RANBP10: variants seen among roughly 807,000 people sequenced by gnomAD.
The protein encoded by RANBP10 is ran-binding protein 10.
Under a neutral mutation model 72.8 loss-of-function variants are expected in RANBP10, and 24 were observed. That is an observed-to-expected ratio of 0.33 (90% CI 0.24 to 0.46). The LOEUF is 0.46. Among genes scored for constraint, RANBP10 ranks in the 20% least tolerant of loss-of-function variants. The pLI, the probability that RANBP10 is intolerant of heterozygous loss-of-function variation, is 1.00. For synonymous variants in RANBP10, 310 were observed against 322.3 expected, an observed-to-expected ratio of 0.96 and a Z score of 0.41; for missense variants, 679 against 817.5, an observed-to-expected ratio of 0.83 and a Z score of 2.07.
Position 67,736,394 on chromosome 16 carries a change from C to A in RANBP10, c.592-1352G>T, listed in dbSNP as rs1157364811. Among the ~76,000 whole-genome samples the A allele has an allele frequency of 2.6e-5, 4 of 152,200 alleles. No individual in the cohort carries two copies. The East Asian group carries it at 7.7e-4, about 29-fold the overall frequency. ...CAGGCTGGTCTTGAACTCCCAACCT[C>A]AGGTGATCTGCCCACCTCAGCCTCC... On this transcript the variant is annotated intron_variant, in intron 5 of 13. Coordinates refer to ENST00000317506, the MANE Select transcript of RANBP10 (RefSeq NM_020850.3).
chr16:67,778,214 T>C (rs185445477), intron 2 of RANBP10, among the ~76,000 whole-genome samples: 100 of 152,276 alleles, frequency 6.6e-4, no homozygotes, highest in Non-Finnish European at 1.2e-3. Flanking sequence ...CTGGGCATAG[T>C]GGCGCATGCC....
At chr16:67,763,440 G>C (rs1241122810) in intron 3 of RANBP10, 2 of 152,262 alleles carry the variant, frequency 1.3e-5, no homozygotes, top group Non-Finnish European at 2.9e-5. Flanking sequence ...CCAGTCTGGG[G>C]CAAGTGGGTT....
At chr16:67,731,404 G>T in intron 7 of RANBP10, 68 bp downstream of exon 7, 1 of 1,352,872 alleles carries the variant, frequency 7.4e-7, no homozygotes, top group Non-Finnish European at 1.1e-6. Context: ...AACCAGGGTT[G>T]ACATGAGCCA....
At chr16:67,772,363 T>C (rs1000618729) in intron 2 of RANBP10, among the ~76,000 whole-genome samples, 2 of 152,160 alleles carry the variant, frequency 1.3e-5, no homozygotes, top group African/African-American at 2.4e-5. Context: ...TGTCATGAAT[T>C]CATGGCTTCC....
intron 3 of RANBP10, among the ~76,000 whole-genome samples, chr16:67,749,361 C>T (rs2054150965): frequency 6.6e-6 from 1 of 152,230 alleles, no homozygotes; most frequent in Non-Finnish European, 1.5e-5. Flanking sequence ...CAGGCCAAGA[C>T]TGAACGGCTC....
intron 3 of RANBP10, among the ~76,000 whole-genome samples, chr16:67,755,406 G>C (rs920657267): frequency 6.6e-6 from 1 of 152,130 alleles, no homozygotes; most frequent in African/African-American, 2.4e-5. Context: ...CAAGTGGGCT[G>C]GGCACGGTGG....
At chr16:67,806,061 C>G (rs1248820037) in intron 1 of RANBP10, among the ~76,000 whole-genome samples, 1 of 152,248 alleles carries the variant, frequency 6.6e-6, no homozygotes, top group African/African-American at 2.4e-5. Flanking sequence ...AGTGGAAGGT[C>G]CGGCCCAGCA....
chr16:67,752,525 G>C (rs562142344), intron 3 of RANBP10, among the ~76,000 whole-genome samples: 1 of 152,254 alleles, frequency 6.6e-6, no homozygotes, highest in South Asian at 2.1e-4. Context: ...CAGGAAATCT[G>C]AACCTATTCT....
chr16:67,746,143 C>T (rs894932829), intron 3 of RANBP10, among the ~76,000 whole-genome samples: 3 of 140,072 alleles, frequency 2.1e-5, no homozygotes, highest in African/African-American at 5.3e-5. Flanking sequence ...GCAACAAGAG[C>T]GAAACTCTGT....
intron 2 of RANBP10, among the ~76,000 whole-genome samples, chr16:67,780,958 CA>C (rs1169903970): frequency 6.6e-6 from 1 of 152,260 alleles, no homozygotes; most frequent in East Asian, 1.9e-4. Context: ...CTCCAAGGAG[CA>C]AACACAGTTT....
At chr16:67,793,620 A>C (rs1251537114) in intron 2 of RANBP10, among the ~76,000 whole-genome samples, 2 of 151,876 alleles carry the variant, frequency 1.3e-5, no homozygotes, top group African/African-American at 4.8e-5. Context: ...CCTCGCTTGT[A>C]ATATTTTATC....
At position 67,734,991 on chromosome 16, in the gene RANBP10, C is replaced by T. The variant is rs776492991; in HGVS notation, c.643G>A (p.Ala215Thr). The T allele has an allele frequency of 3.7e-6, 6 of 1,613,658 alleles. No homozygotes were observed. Among genetic ancestry groups the T allele is most frequent in the Admixed American group, 3.3e-5 (2 of 59,964 alleles). Residue 215 changes from alanine (A) to threonine (T), a missense_variant, in exon 6 of 14, where the codon GCC (alanine) becomes ACC (threonine). Coordinates refer to ENST00000317506, the MANE Select transcript of RANBP10 (RefSeq NM_020850.3). Reference protein sequence around the residue: ...GLQTPGEIVDANFGQQPFLFD... With the variant: ...GLQTPGEIVDTNFGQQPFLFD... The stretch of plus-strand genomic sequence containing the variant: ...AGGAAGGGCTGCTGCCCAAAGTTGG[C>T]GTCCACAATCTCCCCAGGTGTCTGC...
intron 6 of RANBP10, 74 bp from the exon 7 acceptor site, chr16:67,731,658 A>G: frequency 9.0e-7 from 1 of 1,112,162 alleles, no homozygotes; most frequent in Non-Finnish European, 1.3e-6. Flanking sequence ...GACTCAGGAC[A>G]GATTACCTCC....
chr16:67,741,060 G>A (rs921549854), intron 4 of RANBP10, among the ~76,000 whole-genome samples: 3 of 152,110 alleles, frequency 2.0e-5, no homozygotes, highest in African/African-American at 7.2e-5. Context: ...TATATAGTGT[G>A]ACCTTTGGCA....
chr16:67,803,650 C>CA (rs1184321273), intron 2 of RANBP10, among the ~76,000 whole-genome samples: 1,052 of 46,840 alleles, frequency 0.022, 18 homozygotes, highest in South Asian at 0.055. Context: ...AACTCCGTCT[C>CA]AAAAAAAAAA....
At chr16:67,750,940 G>T (rs1001137007) in intron 3 of RANBP10, among the ~76,000 whole-genome samples, 2 of 151,856 alleles carry the variant, frequency 1.3e-5, no homozygotes, top group Admixed American at 6.6e-5. Context: ...CTAATTTTTT[G>T]TATTTTTAGT....
intron 2 of RANBP10, among the ~76,000 whole-genome samples, chr16:67,782,113 C>A (rs1438683321): frequency 2.0e-5 from 3 of 152,192 alleles, no homozygotes; most frequent in Non-Finnish European, 4.4e-5. Context: ...ACACAAATTA[C>A]TTTTTACAAT....
Position 67,726,260 on chromosome 16 carries a change from G to T in RANBP10, c.*168C>A. 1 of 987,540 alleles carries T rather than the reference G, an allele frequency of 1.0e-6. No individual in the cohort carries two copies. The highest frequency in any genetic ancestry group is 1.5e-6 in the Non-Finnish European group (1 of 675,562). The allele number at this position is 987,540 out of a possible 1,614,324, so 61.2% of individuals were successfully genotyped here. On this transcript the variant is annotated 3_prime_UTR_variant, in exon 14 of 14. Transcript: ENST00000317506. The stretch of plus-strand genomic sequence containing the variant: ...AGAGAGAGAGACTGAGCGGGGTGGT[G>T]GGCAGAGAAAGGAAGGAAGGAAGGA...
rs575628819 is a variant in RANBP10 at position 67,723,893 on chromosome 16, G to T, written c.*2535C>A. The T allele has an allele frequency of 2.0e-4, 30 of 152,742 alleles. No homozygotes were observed. Among genetic ancestry groups the T allele is most frequent in the African/African-American group, 6.7e-4 (28 of 41,580 alleles). The allele number at this position is 152,742 out of a possible 1,614,324, so 9.5% of individuals were successfully genotyped here. ...GCAAGAGAGTGGGCTCAAGCAGCTT[G>T]GTTTTGGCCCTCTCCACAGCTTGTG... On this transcript the variant is annotated 3_prime_UTR_variant, in exon 14 of 14. Transcript: ENST00000317506.
Sources: allele counts gnomAD v4.1 joint callset (sites outside exome capture counted in the v4.1 genomes callset), GRCh38; gene constraint gnomAD v4.1.1; transcripts MANE v1.5; gene names NCBI Gene and HGNC (gene_info 2026-07-23, HGNC 2026-07-21).